ULK4: variants seen among roughly 807,000 people sequenced by gnomAD.
ULK4 encodes the protein inactive serine/threonine-protein kinase ULK4.
In ULK4, 133 loss-of-function variants were observed where a neutral mutation model predicts 160.6. The ratio of observed to expected loss-of-function variants is 0.83; its 90% CI spans 0.72 to 0.96. The LOEUF is 0.96. Ranked by LOEUF, ULK4 falls within the 40% of genes least tolerant of loss-of-function variation. The pLI, the probability that ULK4 is intolerant of heterozygous loss-of-function variation, is 0.00. For missense variants in ULK4, 1,580 were observed against 1,499.5 expected, an observed-to-expected ratio of 1.05 and a Z score of -0.89; for synonymous variants, 534 against 539.8, an observed-to-expected ratio of 0.99 and a Z score of 0.15.
chr3:41,399,461 C>G (rs9813308), intron 34 of ULK4, among the ~76,000 whole-genome samples: 47,290 of 152,038 alleles, frequency 0.31, 7,639 homozygotes, highest in South Asian at 0.41. Context: ...TTTTGACTTT[C>G]TTGATACTGT....
At chr3:41,758,877 A>T (rs74468362) in intron 21 of ULK4, among the ~76,000 whole-genome samples, 5 of 141,544 alleles carry the variant, frequency 3.5e-5, no homozygotes, top group African/African-American at 5.2e-5. Context: ...CATCTCAATT[A>T]AAAAAAAAAA....
At chr3:41,707,253 T>C (rs1275754127) in intron 25 of ULK4, among the ~76,000 whole-genome samples, 1 of 152,076 alleles carries the variant, frequency 6.6e-6, no homozygotes, top group Non-Finnish European at 1.5e-5. Flanking sequence ...AGACCTGAAA[T>C]TGCAAAACAA....
At chr3:41,633,730 T>C (rs970527401) in intron 30 of ULK4, among the ~76,000 whole-genome samples, 26 of 151,946 alleles carry the variant, frequency 1.7e-4, no homozygotes, top group African/African-American at 6.0e-4. Context: ...TGATGAGGGG[T>C]ATTAATGAAG....
chr3:41,407,825 A>G (rs559112634), intron 34 of ULK4, among the ~76,000 whole-genome samples: 2 of 152,228 alleles, frequency 1.3e-5, no homozygotes, highest in East Asian at 3.9e-4. Flanking sequence ...CTCTTCCCAT[A>G]TTCATCATTA....
chr3:41,653,682 G>A (rs972693363), intron 30 of ULK4, among the ~76,000 whole-genome samples: 4 of 152,166 alleles, frequency 2.6e-5, no homozygotes, highest in African/African-American at 9.7e-5. Context: ...GGCTTTGCCA[G>A]ACACAGAATC....
intron 32 of ULK4, among the ~76,000 whole-genome samples, chr3:41,533,804 G>C (rs1048903177): frequency 6.6e-6 from 1 of 152,152 alleles, no homozygotes; most frequent in African/African-American, 2.4e-5. Flanking sequence ...GAGCTAGAAA[G>C]TACACTTTCT....
At chr3:41,891,702 T>C (rs1254214812) in intron 16 of ULK4, among the ~76,000 whole-genome samples, 1 of 151,162 alleles carries the variant, frequency 6.6e-6, no homozygotes, top group African/African-American at 2.4e-5. Flanking sequence ...AGATCAGGAG[T>C]TGGAGACCAT....
At chr3:41,769,410 T>G (rs544535296) in intron 21 of ULK4, among the ~76,000 whole-genome samples, 5 of 152,202 alleles carry the variant, frequency 3.3e-5, no homozygotes, top group African/African-American at 1.2e-4. Context: ...AAACTGACTT[T>G]AGAGAACCAA....
At chr3:41,850,137 G>A (rs1383544129) in intron 17 of ULK4, among the ~76,000 whole-genome samples, 2 of 152,166 alleles carry the variant, frequency 1.3e-5, no homozygotes, top group Non-Finnish European at 2.9e-5. Flanking sequence ...CAAAGGACAT[G>A]AACTCATCAC....
chr3:41,903,312 T>C (rs1324137206), intron 12 of ULK4, among the ~76,000 whole-genome samples: 1 of 152,156 alleles, frequency 6.6e-6, no homozygotes, highest in Non-Finnish European at 1.5e-5. Context: ...AGGCCAGGCA[T>C]GGTGGCTCAC....
intron 31 of ULK4, among the ~76,000 whole-genome samples, chr3:41,595,412 C>T (rs1010327520): frequency 2.0e-5 from 3 of 152,126 alleles, no homozygotes; most frequent in Admixed American, 6.5e-5. Context: ...GTAAAAGGCA[C>T]CTAGTAATCC....
intron 35 of ULK4, among the ~76,000 whole-genome samples, chr3:41,388,587 A>G (rs535851930): frequency 6.6e-6 from 1 of 152,116 alleles, no homozygotes; most frequent in Non-Finnish European, 1.5e-5. Flanking sequence ...TCAGCTTTCT[A>G]CATATGGCTA....
At chr3:41,396,723 T>C (rs1358780460) in intron 35 of ULK4, among the ~76,000 whole-genome samples, 1 of 152,098 alleles carries the variant, frequency 6.6e-6, no homozygotes, top group Non-Finnish European at 1.5e-5. Context: ...TGATTCCACA[T>C]CATCTAGTGC....
intron 18 of ULK4, among the ~76,000 whole-genome samples, chr3:41,834,836 G>T (rs1445297946): frequency 1.3e-5 from 2 of 152,206 alleles, no homozygotes; most frequent in African/African-American, 4.8e-5. Flanking sequence ...TTCAGCCTAG[G>T]AATTCGAGAC....
At chr3:41,416,481 T>C (rs2082529699) in intron 34 of ULK4, among the ~76,000 whole-genome samples, 1 of 152,174 alleles carries the variant, frequency 6.6e-6, no homozygotes, top group African/African-American at 2.4e-5. Flanking sequence ...TTTGAAGCAT[T>C]TGATTTTTCA....
chr3:41,278,295 G>A (rs991355501), intron 35 of ULK4: 2 of 152,384 alleles, frequency 1.3e-5, no homozygotes, highest in African/African-American at 4.8e-5. Flanking sequence ...GCCAGGAAGT[G>A]CGAACTGGGC....
chr3:41,900,595 C>A (rs1698315976), intron 13 of ULK4, 130 bp downstream of exon 13: 3 of 757,672 alleles, frequency 4.0e-6, no homozygotes, highest in Non-Finnish European at 6.3e-6. Flanking sequence ...ACATGCAGCA[C>A]AAATGACACA....
intron 5 of ULK4, among the ~76,000 whole-genome samples, chr3:41,930,537 T>A (rs529593309): frequency 3.9e-4 from 59 of 152,212 alleles, no homozygotes; most frequent in African/African-American, 1.3e-3. Context: ...TAAACTAGCA[T>A]CAGAATGAAC....
At chr3:41,473,570 G>A (rs544769302) in intron 32 of ULK4, among the ~76,000 whole-genome samples, 92 of 151,064 alleles carry the variant, frequency 6.1e-4, no homozygotes, top group African/African-American at 2.1e-3. Context: ...GCTGAGGTGG[G>A]AGCATCGCTT....
Sources: allele counts gnomAD v4.1 joint callset (sites outside exome capture counted in the v4.1 genomes callset), GRCh38; gene constraint gnomAD v4.1.1; transcripts MANE v1.5; gene names NCBI Gene and HGNC (gene_info 2026-07-23, HGNC 2026-07-21).